KIFC3: variants seen among roughly 807,000 people sequenced by gnomAD.
The protein encoded by KIFC3 is kinesin family member C3.
KIFC3 carries 60 observed loss-of-function variants against 101.8 expected under a neutral mutation model. The ratio of observed to expected loss-of-function variants is 0.59; its 90% CI spans 0.48 to 0.73. The LOEUF (loss-of-function observed/expected upper bound fraction) is 0.73. KIFC3 is among the 30% of genes least tolerant of loss of function. The pLI, the probability that KIFC3 is intolerant of heterozygous loss-of-function variation, is 0.00. For synonymous variants in KIFC3, 476 were observed against 482.7 expected (o/e 0.99, Z 0.18); for missense variants, 966 against 1,137.1 (o/e 0.85, Z 2.16).
chr16:57,798,146 G>C lies in KIFC3; in HGVS notation c.98C>G (p.Ala33Gly). The change falls in exon 2 of 20, where the codon GCT becomes GGT. Residue 33 changes from alanine to glycine, a missense_variant. By Grantham distance (60) the Ala-to-Gly change is moderately conservative. Coordinates refer to ENST00000445690, the MANE Select transcript of KIFC3 (RefSeq NM_001130100.2). ...GRAPEPEPGM[A>G]RPAPAPASPA... ...GCTGGCTGGGGCTGGGGCGGGGCGA[G>C]CCATCCCCGGCTCGGGCTCCGGGGC... 6.5e-7 allele frequency: 1 copy of C among 1,549,554 alleles called. No homozygotes were observed. The highest frequency in any genetic ancestry group is 1.8e-4 in the Middle Eastern group (1 of 5,446).
At chr16:57,775,688 G>A (rs1057219248) in intron 3 of KIFC3, 21 of 985,400 alleles carry the variant, frequency 2.1e-5, no homozygotes, top group South Asian at 1.9e-4. Flanking sequence ...GGAGGGTCCC[G>A]AGTGCCACCC....
Position 57,798,268 on chromosome 16 carries a change from G to A in KIFC3, c.-25C>T, listed in dbSNP as rs1020615456. On this transcript the variant is annotated 5_prime_UTR_variant, in exon 2 of 20. Coordinates refer to ENST00000445690, the MANE Select transcript of KIFC3 (RefSeq NM_001130100.2). ...TGGCCTGGGGCTCAGCAGCCTCCTC[G>A]GGGCACCAGGCAGCCTGCGGAGAGA... The A allele has an allele frequency of 1.8e-5, 28 of 1,550,326 alleles. No individual in the cohort carries two copies. In the Admixed American group the frequency reaches 2.5e-4, roughly 14 times the overall value.
intron 1 of KIFC3, among the ~76,000 whole-genome samples, chr16:57,823,418 G>A (rs1178541273): frequency 3.3e-5 from 5 of 152,246 alleles, no homozygotes; most frequent in African/African-American, 9.6e-5. Context: ...CTTCTCCTCA[G>A]GACCTCCTGA....
intron 3 of KIFC3, chr16:57,775,263 C>G: frequency 7.7e-7 from 1 of 1,295,790 alleles, no homozygotes; most frequent in Non-Finnish European, 9.8e-7. Context: ...CTCTAAAGGC[C>G]CCTTTGTTCA....
intron 3 of KIFC3, among the ~76,000 whole-genome samples, chr16:57,784,170 C>A (rs544029632): frequency 6.6e-6 from 1 of 152,266 alleles, no homozygotes; most frequent in Admixed American, 6.5e-5. Context: ...ACTGGGGTAT[C>A]CCCCGTGCCC....
intron 3 of KIFC3, among the ~76,000 whole-genome samples, chr16:57,788,144 A>G (rs1381045176): frequency 6.6e-6 from 1 of 152,174 alleles, no homozygotes. Context: ...GGCCAGGAGA[A>G]TCAAAGTCCT....
intron 11 of KIFC3, chr16:57,764,487 A>G: frequency 1.9e-6 from 1 of 523,232 alleles, no homozygotes; most frequent in Non-Finnish European, 3.5e-6. Flanking sequence ...CCCTTCCCCC[A>G]GCTCCTCCTG....
At chr16:57,759,704 C>A (rs1447227519) in intron 18 of KIFC3, 24 bp downstream of exon 18, 2 of 1,575,340 alleles carry the variant, frequency 1.3e-6, no homozygotes, top group Non-Finnish European at 1.7e-6. Flanking sequence ...AGACTCCCCA[C>A]CCACACTGCC....
At chr16:57,774,876 G>T in intron 3 of KIFC3, 1 of 1,396,956 alleles carries the variant, frequency 7.2e-7, no homozygotes, top group Non-Finnish European at 9.3e-7. Flanking sequence ...TCCCTACCCT[G>T]ACATAAGTGA....
upstream of KIFC3, chr16:57,803,188 G>T (rs2054845673): frequency 1.4e-6 from 1 of 740,624 alleles, no homozygotes; most frequent in South Asian, 1.5e-5. Context: ...ACACACCAAT[G>T]GTGCAGCAGT....
chr16:57,764,426 G>A, intron 11 of KIFC3, 179 bp from the exon 12 acceptor site: 2 of 581,146 alleles, frequency 3.4e-6, no homozygotes, highest in Non-Finnish European at 6.2e-6. Flanking sequence ...AGACAGTAGT[G>A]GGCAACCGGG....
At chr16:57,822,476 C>T (rs1187850899) in intron 1 of KIFC3, among the ~76,000 whole-genome samples, 9 of 152,072 alleles carry the variant, frequency 5.9e-5, no homozygotes, top group Non-Finnish European at 1.0e-4. Flanking sequence ...CTGAGGCAGG[C>T]GGCTCACTTG....
At chr16:57,776,147 C>G (rs1409334740) in intron 3 of KIFC3, 3 of 985,324 alleles carry the variant, frequency 3.0e-6, no homozygotes, top group Admixed American at 6.1e-5. Context: ...CAAGCCCAGT[C>G]AACGATCATC....
At chr16:57,816,115 G>A (rs541287186) in intron 1 of KIFC3, 3 of 1,001,236 alleles carry the variant, frequency 3.0e-6, no homozygotes, top group Non-Finnish European at 3.9e-6. Context: ...CTTACCAGTG[G>A]CTCTGAACCA....
intron 3 of KIFC3, chr16:57,781,817 A>T: frequency 2.3e-6 from 1 of 444,006 alleles, no homozygotes; most frequent in Non-Finnish European, 3.0e-6. Flanking sequence ...CTAAGAGGTT[A>T]AGCCTTGGTT....
Position 57,795,109 on chromosome 16 carries a change from C to T in KIFC3, c.205G>A (p.Glu69Lys), listed in dbSNP as rs1256573491. 12 of 1,611,156 alleles carry T rather than the reference C, an allele frequency of 7.4e-6. No individual in the cohort carries two copies. The highest frequency in any genetic ancestry group is 3.3e-5 in the South Asian group (3 of 90,762). The change falls in exon 3 of 20, where the codon GAG becomes AAG. Residue 69 changes from glutamate (E) to lysine (K), a missense_variant. Physicochemically the swap from Glu to Lys is moderately conservative, Grantham distance 56 (BLOSUM62 1). Coordinates refer to ENST00000445690, the MANE Select transcript of KIFC3 (RefSeq NM_001130100.2). ...RGKDTPVCGD[E>K]DSSARSAARP... ...GCTGCACTTCGGGCACTGGAGTCCT[C>T]GTCACCGCAGACTGGGGTATCTTTT...
At chr16:57,824,083 A>T (rs1047307933) in intron 1 of KIFC3, among the ~76,000 whole-genome samples, 3 of 152,216 alleles carry the variant, frequency 2.0e-5, no homozygotes, top group Non-Finnish European at 4.4e-5. Context: ...AGGGAGGGTG[A>T]TCAACCGTCC....
At chr16:57,771,915 A>G (rs147482436) in intron 4 of KIFC3, among the ~76,000 whole-genome samples, 2 of 152,296 alleles carry the variant, frequency 1.3e-5, no homozygotes, top group East Asian at 3.9e-4. Context: ...AAGGGTGGTG[A>G]CCCAGAGCCT....
At position 57,847,612 on chromosome 16, in the gene KIFC3, C is replaced by T. The variant is rs545766297; in HGVS notation, c.108+15117G>A. On this transcript the variant is annotated intron_variant, in intron 1 of 2. Coordinates refer to the KIFC3 transcript ENST00000563028. The stretch of plus-strand genomic sequence containing the variant: ...AATTGACACAAACACACAGGGCTGC[C>T]CAATTTTCTGTTATAAGCAGGGGAG... Among the ~76,000 whole-genome samples, 3 of 151,976 alleles carry T rather than the reference C, an allele frequency of 2.0e-5. No homozygotes were observed. The South Asian group carries it at 6.2e-4, about 32-fold the overall frequency.
Sources: allele counts gnomAD v4.1 joint callset (sites outside exome capture counted in the v4.1 genomes callset), GRCh38; gene constraint gnomAD v4.1.1; transcripts MANE v1.5; gene names NCBI Gene and HGNC (gene_info 2026-07-23, HGNC 2026-07-21).